Variants in DPYS observed in about 807,000 individuals in gnomAD.
DPYS encodes the protein dihydropyrimidinase, also known as dihydropyrimidine amidohydrolase.
DPYS carries 39 observed loss-of-function variants against 50.3 expected under a neutral mutation model. The observed-to-expected ratio is 0.78, with a 90% CI of 0.60 to 1.01. The LOEUF is 1.01. DPYS is among the 50% of genes least tolerant of loss of function. The probability of loss-of-function intolerance (pLI) is 0.00; values close to 1 mark genes in which losing one functional copy is unlikely to be tolerated. For missense variants in DPYS, 659 were observed against 680.9 expected, an observed-to-expected ratio of 0.97 and a Z score of 0.36; for synonymous variants, 245 against 250.7, an observed-to-expected ratio of 0.98 and a Z score of 0.22.
chr8:104,431,882 G>A (rs1378952867), intron 4 of DPYS, among the ~76,000 whole-genome samples: 5 of 152,184 alleles, frequency 3.3e-5, no homozygotes, highest in Non-Finnish European at 7.3e-5. Context: ...ATGTTACTAG[G>A]AAAAGTGCCA....
chr8:104,457,246 C>T (rs572804159), intron 1 of DPYS, among the ~76,000 whole-genome samples: 7 of 152,074 alleles, frequency 4.6e-5, no homozygotes, highest in South Asian at 4.1e-4. Context: ...ACCTGATAAC[C>T]GAGCCAACTA....
At chr8:104,438,587 T>C (rs1394618532) in intron 4 of DPYS, among the ~76,000 whole-genome samples, 2 of 152,182 alleles carry the variant, frequency 1.3e-5, no homozygotes, top group East Asian at 3.9e-4. Flanking sequence ...TTCTCACTAA[T>C]TGTTTCTACA....
intron 1 of DPYS, among the ~76,000 whole-genome samples, chr8:104,460,109 A>C (rs1429551259): frequency 6.6e-6 from 1 of 152,286 alleles, no homozygotes; most frequent in Non-Finnish European, 1.5e-5. Context: ...GCCCCCAATT[A>C]CTAAACATAA....
Position 104,425,364 on chromosome 8 carries a change from T to C in DPYS, c.1093-975A>G, listed in dbSNP as rs1034317420. Among the ~76,000 whole-genome samples the C allele has an allele frequency of 6.0e-5, 9 of 151,214 alleles. No homozygotes were observed. In the East Asian group the frequency reaches 1.2e-3, roughly 20 times the overall value. ...CCCACTCTGCCTCCCAAGCATTAGGTTGGTGCGAAAGCAATCTGTTTTGCC... is the reference window on the plus strand; with the variant it reads ...CCCACTCTGCCTCCCAAGCATTAGGCTGGTGCGAAAGCAATCTGTTTTGCC... On this transcript the variant is annotated intron_variant, in intron 6 of 9. Coordinates refer to ENST00000351513, the MANE Select transcript of DPYS (RefSeq NM_001385.3).
At chr8:104,425,622 T>A (rs1005753500) in intron 6 of DPYS, among the ~76,000 whole-genome samples, 1 of 152,044 alleles carries the variant, frequency 6.6e-6, no homozygotes, top group Non-Finnish European at 1.5e-5. Context: ...CACACCCAGA[T>A]GCAATCCTTT....
intron 8 of DPYS, 26 bp from the exon 9 acceptor site, chr8:104,381,340 CTT>C (rs776773646): frequency 1.9e-6 from 3 of 1,593,330 alleles, no homozygotes; most frequent in Non-Finnish European, 1.7e-6. Flanking sequence ...TCATTTCTCT[CTT>C]GTGGTTTATT....
At chr8:104,429,826 C>A in intron 4 of DPYS, 125 bp from the exon 5 acceptor site, 1 of 1,193,728 alleles carries the variant, frequency 8.4e-7, no homozygotes, top group Non-Finnish European at 1.2e-6. Context: ...AGCAGAATCC[C>A]AAACTATAAT....
intron 8 of DPYS, among the ~76,000 whole-genome samples, chr8:104,391,409 A>T (rs1811384217): frequency 6.6e-6 from 1 of 152,230 alleles, no homozygotes; most frequent in Non-Finnish European, 1.5e-5. Flanking sequence ...CTTCTGGGTG[A>T]AAACCAGAAA....
At chr8:104,461,128 A>T (rs1814143952) in intron 1 of DPYS, among the ~76,000 whole-genome samples, 1 of 150,590 alleles carries the variant, frequency 6.6e-6, no homozygotes, top group Admixed American at 6.6e-5. Context: ...TACAAAAAAA[A>T]AAAAAAATAC....
chr8:104,383,755 C>T (rs1811129279), intron 8 of DPYS, among the ~76,000 whole-genome samples: 1 of 152,150 alleles, frequency 6.6e-6, no homozygotes, highest in East Asian at 1.9e-4. Context: ...GCACACACCA[C>T]CATGGCCAGC....
intron 7 of DPYS, among the ~76,000 whole-genome samples, chr8:104,401,915 G>C (rs1811826535): frequency 6.6e-6 from 1 of 152,174 alleles, no homozygotes; most frequent in African/African-American, 2.4e-5. Context: ...CCCGCCTCCT[G>C]CAGAAGAGAA....
At chr8:104,443,737 A>G (rs953322418) in intron 4 of DPYS, among the ~76,000 whole-genome samples, 2 of 152,182 alleles carry the variant, frequency 1.3e-5, no homozygotes, top group African/African-American at 4.8e-5. Context: ...TACTAAAAAT[A>G]TAAAATTTAG....
intron 1 of DPYS, among the ~76,000 whole-genome samples, chr8:104,464,989 A>T (rs963593767): frequency 2.0e-5 from 3 of 152,236 alleles, no homozygotes; most frequent in African/African-American, 7.2e-5. Flanking sequence ...CTTTATTGAC[A>T]TAAAGATATA....
At chr8:104,398,303 T>C (rs982824635) in intron 7 of DPYS, among the ~76,000 whole-genome samples, 3 of 152,162 alleles carry the variant, frequency 2.0e-5, no homozygotes, top group African/African-American at 7.2e-5. Context: ...GTGACAGAGA[T>C]TCTAGCAGCA....
At chr8:104,434,860 C>T (rs947645950) in intron 4 of DPYS, among the ~76,000 whole-genome samples, 6 of 152,104 alleles carry the variant, frequency 3.9e-5, no homozygotes, top group Non-Finnish European at 5.9e-5. Flanking sequence ...TTAAAATAGA[C>T]GTAAACTTTA....
At chr8:104,384,414 C>T (rs1243775730) in intron 8 of DPYS, among the ~76,000 whole-genome samples, 1 of 152,240 alleles carries the variant, frequency 6.6e-6, no homozygotes, top group Non-Finnish European at 1.5e-5. Flanking sequence ...TAGATGTTCA[C>T]TGTGACAAAA....
chr8:104,425,812 A>AGGGTAC (rs1812703581), intron 6 of DPYS, among the ~76,000 whole-genome samples: 1 of 152,192 alleles, frequency 6.6e-6, no homozygotes, highest in Admixed American at 6.5e-5. Flanking sequence ...ATATGGTAAG[A>AGGGTAC]GGGTACTAAA....
At chr8:104,437,403 C>T (rs2140677908) in intron 4 of DPYS, among the ~76,000 whole-genome samples, 1 of 152,222 alleles carries the variant, frequency 6.6e-6, no homozygotes, top group East Asian at 1.9e-4. Context: ...CTAGAGTGAC[C>T]TCTGGTCATC....
At chr8:104,416,135 G>A (rs1205919921) in intron 7 of DPYS, among the ~76,000 whole-genome samples, 1 of 152,196 alleles carries the variant, frequency 6.6e-6, no homozygotes, top group African/African-American at 2.4e-5. Flanking sequence ...ATAAGTGGCA[G>A]ACTAGGAATT....
Sources: allele counts gnomAD v4.1 joint callset (sites outside exome capture counted in the v4.1 genomes callset), GRCh38; gene constraint gnomAD v4.1.1; transcripts MANE v1.5; gene names NCBI Gene and HGNC (gene_info 2026-07-23, HGNC 2026-07-21).